Variants in FABP6 observed in about 807,000 individuals in gnomAD.
The protein encoded by FABP6 is fatty acid binding protein 6, also known as gastrotropin.
FABP6 carries 13 observed loss-of-function variants against 14.9 expected under a neutral mutation model. The ratio of observed to expected loss-of-function variants is 0.87; its 90% CI spans 0.57 to 1.39. FABP6 has a LOEUF of 1.39. FABP6 is among the 40% of genes most tolerant of loss of function. The pLI is 0.00. For missense variants in FABP6, 161 were observed against 167.2 expected, an observed-to-expected ratio of 0.96 and a Z score of 0.20; for synonymous variants, 75 against 63.6, an observed-to-expected ratio of 1.18 and a Z score of -0.85.
intron 3 of FABP6, among the ~76,000 whole-genome samples, chr5:160,214,139 CT>C (rs1759960833): frequency 6.9e-6 from 1 of 144,928 alleles, no homozygotes; most frequent in Non-Finnish European, 1.5e-5. Flanking sequence ...TTCTTTCTTT[CT>C]TTCTTTCTTT....
rs1010841984 is a variant in FABP6 at position 160,238,681 on chromosome 5, A to C, written c.*22A>C. On this transcript the variant is annotated 3_prime_UTR_variant, in exon 4 of 4. Transcript: ENST00000402432. ...CTAAGCAGCCAGGCCCGGCCCAGGGAGCTACAAACCCACCAATAAAACTGA... is the reference window on the plus strand; with the variant it reads ...CTAAGCAGCCAGGCCCGGCCCAGGGCGCTACAAACCCACCAATAAAACTGA... 5.0e-6 allele frequency: 8 copies of C among 1,612,504 alleles called. No individual in the cohort carries two copies. In the African/African-American group the frequency reaches 1.1e-4, roughly 22 times the overall value.
At chr5:160,192,683 T>G (rs1322750158) in intron 1 of FABP6, among the ~76,000 whole-genome samples, 2 of 152,230 alleles carry the variant, frequency 1.3e-5, no homozygotes, top group African/African-American at 4.8e-5. Context: ...GCTGAGGAAC[T>G]CACTGGCCCA....
At chr5:160,217,808 CTTTAT>C (rs1217013374) in intron 3 of FABP6, among the ~76,000 whole-genome samples, 2 of 151,318 alleles carry the variant, frequency 1.3e-5, no homozygotes, top group Non-Finnish European at 2.9e-5. Flanking sequence ...AGTTGATTTA[CTTTAT>C]TTTATTTTTT....
At chr5:160,229,036 G>A (rs1020101906), upstream of FABP6, among the ~76,000 whole-genome samples, 4 of 152,158 alleles carry the variant, frequency 2.6e-5, no homozygotes, top group African/African-American at 9.7e-5. Context: ...TTCTCCTGGG[G>A]CACATCACAT....
At chr5:160,213,844 AGGGTT>A in intron 3 of FABP6, 16 of 1,591,616 alleles carry the variant, frequency 1.0e-5, no homozygotes, top group African/African-American at 1.3e-5. Flanking sequence ...AAGGGAGGGA[AGGGTT>A]CCTGACGTTT....
At chr5:160,225,191 G>A (rs1298157496), upstream of FABP6, among the ~76,000 whole-genome samples, 2 of 151,968 alleles carry the variant, frequency 1.3e-5, no homozygotes, top group African/African-American at 4.8e-5. Context: ...CCACCACCTG[G>A]GTTCAGGCAA....
intron 2 of FABP6, among the ~76,000 whole-genome samples, chr5:160,199,380 A>T (rs974760839): frequency 6.6e-6 from 1 of 152,168 alleles, no homozygotes; most frequent in South Asian, 2.1e-4. Flanking sequence ...CTTCCCTCAG[A>T]GGACGGACAC....
chr5:160,204,111 C>T (rs545362375), intron 2 of FABP6, among the ~76,000 whole-genome samples: 31 of 149,878 alleles, frequency 2.1e-4, no homozygotes, highest in African/African-American at 7.1e-4. Context: ...CACACCCCAG[C>T]CTAGGCAATA....
chr5:160,192,817 A>G (rs969430563), intron 1 of FABP6, among the ~76,000 whole-genome samples: 1 of 152,270 alleles, frequency 6.6e-6, no homozygotes, highest in African/African-American at 2.4e-5. Flanking sequence ...CCTGGATCAT[A>G]TAAGAAATCC....
intron 2 of FABP6, among the ~76,000 whole-genome samples, 160 bp from the exon 3 acceptor site, chr5:160,234,660 C>CA (rs1044558591): frequency 1.1e-4 from 17 of 152,118 alleles, no homozygotes; most frequent in Admixed American, 6.5e-5. Flanking sequence ...CTCCTGACCT[C>CA]AAGTGATCCG....
intron 2 of FABP6, among the ~76,000 whole-genome samples, chr5:160,202,374 C>T (rs1759660640): frequency 1.3e-5 from 2 of 152,162 alleles, no homozygotes; most frequent in Non-Finnish European, 2.9e-5. Context: ...TACAAACATA[C>T]AATACCCCAT....
chr5:160,197,003 CAT>C, intron 1 of FABP6: 2 of 152,408 alleles, frequency 1.3e-5, no homozygotes, highest in South Asian at 2.1e-4. Context: ...CTAAGCAACA[CAT>C]GTCTGCAATG....
intron 2 of FABP6, among the ~76,000 whole-genome samples, chr5:160,207,476 C>G (rs891829002): frequency 1.3e-5 from 2 of 152,088 alleles, no homozygotes; most frequent in Non-Finnish European, 2.9e-5. Flanking sequence ...GAGGAGTTAC[C>G]AAGGACATTC....
intron 1 of FABP6, among the ~76,000 whole-genome samples, chr5:160,231,742 A>G (rs576334806): frequency 1.2e-4 from 18 of 152,254 alleles, no homozygotes; most frequent in Middle Eastern, 3.4e-3. Context: ...GGCAAGATTC[A>G]GTTATATTTA....
intron 3 of FABP6, among the ~76,000 whole-genome samples, chr5:160,220,810 G>A (rs542747509): frequency 1.3e-4 from 20 of 151,886 alleles, no homozygotes; most frequent in South Asian, 4.2e-4. Context: ...AGGACAGACC[G>A]GGCGCCGTGG....
chr5:160,189,505 A>G (rs758639556), intron 1 of FABP6, among the ~76,000 whole-genome samples: 12 of 152,134 alleles, frequency 7.9e-5, no homozygotes, highest in Non-Finnish European at 1.6e-4. Flanking sequence ...AGTCTCCCAA[A>G]GTGTTGGAAT....
chr5:160,191,105 A>AC (rs1759384836), intron 1 of FABP6, among the ~76,000 whole-genome samples: 2 of 148,750 alleles, frequency 1.3e-5, no homozygotes, highest in African/African-American at 5.0e-5. Flanking sequence ...AAAAAAAAAA[A>AC]AGCAAATCAG....
intron 1 of FABP6, among the ~76,000 whole-genome samples, chr5:160,196,396 T>TGGGGCTCTGGGGAGA (rs1759510300): frequency 6.6e-6 from 1 of 152,160 alleles, no homozygotes; most frequent in Non-Finnish European, 1.5e-5. Context: ...GGAAACCTGA[T>TGGGGCTCTGGGGAGA]GGGGCTCTGG....
upstream of FABP6, among the ~76,000 whole-genome samples, chr5:160,228,208 G>A (rs1222302523): frequency 2.6e-5 from 4 of 152,042 alleles, no homozygotes; most frequent in Admixed American, 6.6e-5. Flanking sequence ...CCTAAGCAAC[G>A]TGGAGAAACC....
Sources: allele counts gnomAD v4.1 joint callset (sites outside exome capture counted in the v4.1 genomes callset), GRCh38; gene constraint gnomAD v4.1.1; transcripts MANE v1.5; gene names NCBI Gene and HGNC (gene_info 2026-07-23, HGNC 2026-07-21).